Variants in GCN1 observed in about 807,000 individuals in gnomAD.
GCN1 encodes the protein GCN1 activator of EIF2AK4.
In GCN1, 90 loss-of-function variants were observed where a neutral mutation model predicts 288.4. That is an observed-to-expected ratio of 0.31 (90% CI 0.26 to 0.37). The LOEUF (loss-of-function observed/expected upper bound fraction) is 0.37. Among genes scored for constraint, GCN1 ranks in the 10% least tolerant of loss-of-function variants. The pLI, the probability that GCN1 is intolerant of heterozygous loss-of-function variation, is 1.00. For missense variants in GCN1, 2,586 were observed against 3,419.9 expected (o/e 0.76, Z 6.08); for synonymous variants, 1,386 against 1,420.2 (o/e 0.98, Z 0.54).
In GCN1 at chr12:120,194,706, G is replaced by C. The variant is rs1205572675; in HGVS notation, c.-9C>G. 2 of 1,509,286 alleles carry C rather than the reference G, an allele frequency of 1.3e-6. No homozygotes were observed. The highest frequency in any genetic ancestry group is 1.8e-6 in the Non-Finnish European group (2 of 1,135,846). The allele number at this position is 1,509,286 out of a possible 1,614,324, so 93.5% of individuals were successfully genotyped here. A position where few individuals can be genotyped will look rare whatever the true frequency, so the allele number is the denominator to read the frequency against. The stretch of plus-strand genomic sequence containing the variant: ...TGCGTGTCCGCCGCCATCCTGCCGG[G>C]GCTGACTCCGGAACCGCTTCCGGAA... On this transcript the variant is annotated 5_prime_UTR_variant, in exon 1 of 58. Transcript: ENST00000300648.
Position 120,174,125 on chromosome 12 carries a change from G to T in GCN1, c.1138C>A (p.Gln380Lys). 1 of 1,607,818 alleles carries T rather than the reference G, an allele frequency of 6.2e-7. No homozygotes were observed. Residue 380 changes from glutamine to lysine, a missense_variant, in exon 13 of 58, where the codon CAG becomes AAG. Transcript: ENST00000300648. ...TCAGCCACGATCCCATTCAGGACCT[G>T]ACTGGAAGGTCCAGACACCACGTGA... The part of the protein sequence containing the change: ...SHHVVSGPSS[Q>K]VLNGIVAELF...
At chr12:120,192,809 C>T (rs962363289) in intron 1 of GCN1, among the ~76,000 whole-genome samples, 1 of 151,656 alleles carries the variant, frequency 6.6e-6, no homozygotes, top group Non-Finnish European at 1.5e-5. Flanking sequence ...CTTTGGGAGA[C>T]AGAGGCGGAC....
rs541651948 is a variant in GCN1, at chr12:120,184,806, C to T, written c.185+18G>A. On this transcript the variant is annotated intron_variant, in intron 3 of 57. Transcript: ENST00000300648. Reference sequence around the variant, plus strand: ...TGTACAAAGTGCTCCACATATGGGGCCTTTGGCTGGGACTCACCTATATCG... The same window carrying T: ...TGTACAAAGTGCTCCACATATGGGGTCTTTGGCTGGGACTCACCTATATCG... 2.5e-6 allele frequency: 4 copies of T among 1,579,688 alleles called. No homozygotes were observed. The Admixed American group carries it at 5.0e-5, about 20-fold the overall frequency.
Position 120,134,951 on chromosome 12 carries a change from G to A in GCN1, c.7009-225C>T, listed in dbSNP as rs367926659. On this transcript the variant is annotated intron_variant, in intron 51 of 57. Coordinates refer to ENST00000300648, the MANE Select transcript of GCN1 (RefSeq NM_006836.2). This position sits in a 1 kb window ranked among gnomAD's most constrained non-coding sequence, Gnocchi z 5.0. ...TGATACACTGGAGGAGCAGGAGGCC[G>A]AGGAGGCGGCGGCCGCTATCTGAGG... Among the ~76,000 whole-genome samples, 13 of 152,246 alleles carry A rather than the reference G, an allele frequency of 8.5e-5. No homozygotes were observed. Among genetic ancestry groups the A allele is most frequent in the East Asian group, 3.9e-4 (2 of 5,194 alleles).
At chr12:120,176,860 G>A (rs967003226) in intron 9 of GCN1, among the ~76,000 whole-genome samples, 8 of 151,974 alleles carry the variant, frequency 5.3e-5, no homozygotes, top group Non-Finnish European at 1.2e-4. Context: ...TCCACCTCCC[G>A]GTTTCAAGTG....
At chr12:120,163,445 G>A (rs1395847369) in intron 18 of GCN1, among the ~76,000 whole-genome samples, 186 bp from the exon 19 acceptor site, 2 of 152,262 alleles carry the variant, frequency 1.3e-5, no homozygotes, top group South Asian at 2.1e-4. Flanking sequence ...CTGGAAGAAG[G>A]AAGCACCTGT....
rs576299280 is a variant in GCN1, at chr12:120,175,268, G to T, written c.1043-56C>A. 2.1e-5 allele frequency: 30 copies of T among 1,448,584 alleles called. No individual in the cohort carries two copies. The East Asian group carries it at 5.7e-4, about 27-fold the overall frequency. 89.7% of individuals were successfully genotyped at this position (1,448,584 alleles called of 1,614,324 possible). Reference sequence around the variant, plus strand: ...CACATATGCCACATTTCCCAAGAGAGTGAACAATGCAGTCACGTGTGTGAT... The same window carrying T: ...CACATATGCCACATTTCCCAAGAGATTGAACAATGCAGTCACGTGTGTGAT... On this transcript the variant is annotated intron_variant, in intron 11 of 57. Transcript: ENST00000300648.
chr12:120,177,410 C>A, intron 9 of GCN1, 37 bp downstream of exon 9: 1 of 1,026,780 alleles, frequency 9.7e-7, no homozygotes, highest in South Asian at 1.3e-5. Flanking sequence ...ATAGGCAACT[C>A]ATCTCCCTCC....
At chr12:120,138,544 G>A (rs1877085372) in intron 46 of GCN1, 129 bp from the exon 47 acceptor site, 9 of 1,029,786 alleles carry the variant, frequency 8.7e-6, no homozygotes, top group South Asian at 2.7e-5. Context: ...TGCCGAAGGC[G>A]AAGCACAAAG....
chr12:120,127,911 G>A lies in GCN1; in HGVS notation c.7954C>T (p.Leu2652=), dbSNP rs762621444. The A allele has an allele frequency of 6.2e-7, 1 of 1,614,116 alleles. No individual in the cohort carries two copies. Among genetic ancestry groups the A allele is most frequent in the Admixed American group, 1.7e-5 (1 of 60,020 alleles). The change falls in exon 58 of 58, where the codon CTG becomes TTG. Residue 2652 remains leucine, a synonymous_variant. Coordinates refer to ENST00000300648, the MANE Select transcript of GCN1 (RefSeq NM_006836.2). ...TCGGCCTGGCTGGCCAGCTTCTTCA[G>A]GGACCTTCGGTTAACCTCGTTCAGC... The part of the protein sequence containing the change: ...EVLNEVNRRS[L]KKLASQADST...
In GCN1 at chr12:120,170,234, G is replaced by C. The variant is rs745381388; in HGVS notation, c.1454C>G (p.Thr485Ser). 1 of 1,614,102 alleles carries C rather than the reference G, an allele frequency of 6.2e-7. No individual in the cohort carries two copies. The highest frequency in any genetic ancestry group is 8.5e-7 in the Non-Finnish European group (1 of 1,179,946). Residue 485 changes from threonine to serine, a missense_variant, in exon 15 of 58, where the codon ACC becomes AGC. Thr to Ser is a moderately conservative substitution (Grantham distance 58). Around this residue, in one of 8 missense-constraint regions of GCN1, gnomAD observed 913 missense variants for 1,107.0 expected, o/e 0.82. Transcript: ENST00000300648. Reference sequence around the variant, plus strand: ...GGCTGCGGCAACCCCTTCAGTGATGGTGGGAACCTGAGTGCTTTGGGAGGC... The same window carrying C: ...GGCTGCGGCAACCCCTTCAGTGATGCTGGGAACCTGAGTGCTTTGGGAGGC... ...KAASQSTQVP[T>S]ITEGVAAALL... is the part of the protein sequence containing the mutation.
intron 2 of GCN1, among the ~76,000 whole-genome samples, chr12:120,185,801 A>C (rs1878802753): frequency 6.6e-6 from 1 of 152,118 alleles, no homozygotes; most frequent in Non-Finnish European, 1.5e-5. Flanking sequence ...GGGTTTCACC[A>C]CGTTGGCCAT....
At chr12:120,154,383 A>G (rs1374059172) in intron 31 of GCN1, among the ~76,000 whole-genome samples, 1 of 152,188 alleles carries the variant, frequency 6.6e-6, no homozygotes, top group Non-Finnish European at 1.5e-5. Context: ...ACACCACCCT[A>G]CACTGACACA....
In GCN1 at chr12:120,163,306, C is replaced by T. The variant is rs545397522; in HGVS notation, c.1849-47G>A. Reference sequence around the variant, plus strand: ...AATACTGCTAAGAGCCCTGTGCAGGCTTGGAACACAGGAACCAAATATGCT... The same window carrying T: ...AATACTGCTAAGAGCCCTGTGCAGGTTTGGAACACAGGAACCAAATATGCT... On this transcript the variant is annotated intron_variant, in intron 18 of 57. Coordinates refer to ENST00000300648, the MANE Select transcript of GCN1 (RefSeq NM_006836.2). 1.2e-5 allele frequency: 18 copies of T among 1,487,006 alleles called. No homozygotes were observed. The East Asian group carries it at 4.1e-4, about 34-fold the overall frequency. 92.1% of individuals were successfully genotyped at this position (1,487,006 alleles called of 1,614,324 possible).
At chr12:120,161,740 GCC>G (rs1877934432) in intron 21 of GCN1, 138 bp downstream of exon 21, 1 of 946,716 alleles carries the variant, frequency 1.1e-6, no homozygotes, top group African/African-American at 1.6e-5. Context: ...TAAGCACCGT[GCC>G]GGGGACACAA....
intron 15 of GCN1, among the ~76,000 whole-genome samples, chr12:120,169,577 C>T (rs1878253035): frequency 6.6e-6 from 1 of 152,150 alleles, no homozygotes. Flanking sequence ...AATCCCAGCT[C>T]ACTGCAACCT....
chr12:120,138,240 C>A (rs183789260), intron 47 of GCN1, 83 bp downstream of exon 47: 230 of 995,810 alleles, frequency 2.3e-4, no homozygotes, highest in Middle Eastern at 2.1e-4. Context: ...CCAACATCTA[C>A]GTTCAGAACT....
At chr12:120,157,807 A>C in intron 26 of GCN1, 42 bp downstream of exon 26, 1 of 1,538,158 alleles carries the variant, frequency 6.5e-7, no homozygotes, top group Non-Finnish European at 8.9e-7. Context: ...TGCCTCCCTG[A>C]TCCCCTTTAA....
Position 120,155,744 on chromosome 12 carries a change from G to A in GCN1, c.3313-25C>T. 1.2e-6 allele frequency: 2 copies of A among 1,613,218 alleles called. No homozygotes were observed. The highest frequency in any genetic ancestry group is 2.2e-5 in the East Asian group (1 of 44,882). On this transcript the variant is annotated intron_variant, in intron 28 of 57. Coordinates refer to ENST00000300648, the MANE Select transcript of GCN1 (RefSeq NM_006836.2). The surrounding 1 kb of genome is among the most constrained non-coding windows in gnomAD (Gnocchi z 4.9). ...CCTGGAAGGGGTGGGATTGGACCGT[G>A]TGAGGCATCATCTTTCAGAAGAGCC...
Sources: allele counts gnomAD v4.1 joint callset (sites outside exome capture counted in the v4.1 genomes callset), GRCh38; gene constraint gnomAD v4.1.1; regional missense constraint gnomAD v4.1.1; non-coding constraint Gnocchi (gnomAD v3.1); transcripts MANE v1.5; gene names NCBI Gene and HGNC (gene_info 2026-07-23, HGNC 2026-07-21).